Variants in GABRB2 observed in about 807,000 individuals in gnomAD.
The protein encoded by GABRB2 is gamma-aminobutyric acid type A receptor subunit beta2.
Under a neutral mutation model 54.7 loss-of-function variants are expected in GABRB2, and 16 were observed. The observed-to-expected ratio is 0.29, with a 90% CI of 0.20 to 0.44. The LOEUF (loss-of-function observed/expected upper bound fraction) is 0.44, where lower values mean the gene tolerates loss of function less well. Ranked by LOEUF, GABRB2 falls within the 20% of genes least tolerant of loss-of-function variation. GABRB2 has a pLI of 1.00. For synonymous variants in GABRB2, 244 were observed against 233.8 expected, an observed-to-expected ratio of 1.04 and a Z score of -0.40; for missense variants, 355 against 644.0, an observed-to-expected ratio of 0.55 and a Z score of 4.86.
intron 4 of GABRB2, among the ~76,000 whole-genome samples, chr5:161,418,255 A>G (rs2113136896): frequency 6.6e-6 from 1 of 152,362 alleles, no homozygotes; most frequent in Non-Finnish European, 1.5e-5. Flanking sequence ...TAGATACATC[A>G]GCCTCAGTCA....
At position 161,501,763 on chromosome 5, in the gene GABRB2, C is replaced by T. The variant is rs182800447; in HGVS notation, c.238-41919G>A. Among the ~76,000 whole-genome samples, 175 of 151,254 alleles carry T rather than the reference C, an allele frequency of 1.2e-3. 1 individual carries two copies. The highest frequency in any genetic ancestry group is 3.9e-3 in the African/African-American group (161 of 41,302). ...AAAGAAAACCAGATAAGTTAAATAA[C>T]CTAAAATATAAATTAAATAACCTAA... On this transcript the variant is annotated intron_variant, in intron 3 of 9. Transcript: ENST00000393959.
Position 161,534,771 on chromosome 5 carries a change from C to T in GABRB2, c.237+10456G>A, listed in dbSNP as rs190833195. The stretch of plus-strand genomic sequence containing the variant: ...TGTATTTATATTACGTGGAATAGAG[C>T]GAGGAAAAACTGGAAAGAAAAGAAG... On this transcript the variant is annotated intron_variant, in intron 3 of 9. Transcript: ENST00000393959. 1.2e-3 allele frequency among the ~76,000 whole-genome samples: 178 copies of T among 151,706 alleles called. 1 individual carries two copies. The highest frequency in any genetic ancestry group is 3.9e-3 in the African/African-American group (161 of 41,354).
chr5:161,497,816 C>A (rs1759303379), intron 3 of GABRB2, among the ~76,000 whole-genome samples: 1 of 152,102 alleles, frequency 6.6e-6, no homozygotes, highest in African/African-American at 2.4e-5. Context: ...TCATCTTCAG[C>A]TAGGATGCTG....
At chr5:161,424,553 C>A (rs1256834511) in intron 4 of GABRB2, among the ~76,000 whole-genome samples, 8 of 152,080 alleles carry the variant, frequency 5.3e-5, no homozygotes, top group Non-Finnish European at 1.2e-4. Flanking sequence ...CTATTTTAAG[C>A]CTACTGTTGA....
At chr5:161,521,205 T>G (rs984318936) in intron 3 of GABRB2, among the ~76,000 whole-genome samples, 3 of 151,924 alleles carry the variant, frequency 2.0e-5, no homozygotes, top group Non-Finnish European at 4.4e-5. Context: ...ATTGGCTCTT[T>G]GAAGGAATAT....
At chr5:161,440,856 CACTT>C (rs1297561348) in intron 4 of GABRB2, among the ~76,000 whole-genome samples, 2 of 152,134 alleles carry the variant, frequency 1.3e-5, no homozygotes, top group African/African-American at 2.4e-5. Context: ...GTGCCTATAA[CACTT>C]ACTGGCGAAA....
At chr5:161,419,778 A>G (rs1231062847) in intron 4 of GABRB2, among the ~76,000 whole-genome samples, 1 of 152,176 alleles carries the variant, frequency 6.6e-6, no homozygotes, top group Non-Finnish European at 1.5e-5. Flanking sequence ...TGTACCTACA[A>G]AGGAAAGCAA....
chr5:161,375,731 C>T (rs959563104), intron 5 of GABRB2, among the ~76,000 whole-genome samples: 1 of 152,140 alleles, frequency 6.6e-6, no homozygotes, highest in Non-Finnish European at 1.5e-5. Context: ...AGGGGAAACA[C>T]AATAACATCA....
At chr5:161,395,890 G>A (rs1755981431) in intron 5 of GABRB2, among the ~76,000 whole-genome samples, 2 of 152,078 alleles carry the variant, frequency 1.3e-5, no homozygotes, top group African/African-American at 4.8e-5. Context: ...CCAACTCAAT[G>A]TGATTTGCAA....
chr5:161,292,837 C>G lies in GABRB2; in HGVS notation c.*1244G>C, dbSNP rs1248280141. ...TCATTGCATATAAGAAAATATAGTT[C>G]ACTCAATCTCTCCAAAGCCTTACTT... On this transcript the variant is annotated 3_prime_UTR_variant, in exon 10 of 10. Coordinates refer to ENST00000393959, the MANE Select transcript of GABRB2 (RefSeq NM_001371727.1). The G allele has an allele frequency of 1.3e-5, 2 of 152,056 alleles. No homozygotes were observed. The highest frequency in any genetic ancestry group is 2.9e-5 in the Non-Finnish European group (2 of 68,004). The allele number at this position is 152,056 out of a possible 1,614,324, so 9.4% of individuals were successfully genotyped here. A position where few individuals can be genotyped will look rare whatever the true frequency, so the allele number is the denominator to read the frequency against.
At chr5:161,429,345 C>CAA (rs770848428) in intron 4 of GABRB2, among the ~76,000 whole-genome samples, 4 of 31,422 alleles carry the variant, frequency 1.3e-4, no homozygotes, top group South Asian at 2.4e-3. Context: ...GAATCCGTCT[C>CAA]AAAAAAAAAA....
chr5:161,360,223 A>G (rs1018140713), intron 5 of GABRB2, among the ~76,000 whole-genome samples: 1 of 152,212 alleles, frequency 6.6e-6, no homozygotes, highest in Admixed American at 6.5e-5. Flanking sequence ...TAAAAGCAAC[A>G]ATGGCTCTTT....
At chr5:161,497,980 A>G (rs1198734313) in intron 3 of GABRB2, among the ~76,000 whole-genome samples, 5 of 152,204 alleles carry the variant, frequency 3.3e-5, no homozygotes, top group African/African-American at 9.6e-5. Context: ...ACTAAAAGAG[A>G]GTGAAATGTT....
intron 5 of GABRB2, among the ~76,000 whole-genome samples, chr5:161,370,548 A>G (rs1010955907): frequency 6.6e-6 from 1 of 152,146 alleles, no homozygotes; most frequent in African/African-American, 2.4e-5. Flanking sequence ...CTGCTCTGTG[A>G]CTTCCTATGG....
chr5:161,439,493 A>C (rs568772152), intron 4 of GABRB2, among the ~76,000 whole-genome samples: 70 of 152,350 alleles, frequency 4.6e-4, no homozygotes, highest in African/African-American at 1.7e-3. Context: ...AGTACAAAGA[A>C]AAACACAGAA....
chr5:161,464,503 A>G (rs1052657347), intron 3 of GABRB2, among the ~76,000 whole-genome samples: 8 of 152,128 alleles, frequency 5.3e-5, no homozygotes, highest in Admixed American at 5.2e-4. Context: ...GTGGAAATAC[A>G]AAACTGTCAG....
chr5:161,362,738 A>G (rs926306118), intron 5 of GABRB2, among the ~76,000 whole-genome samples: 2 of 152,198 alleles, frequency 1.3e-5, no homozygotes, highest in Non-Finnish European at 1.5e-5. Context: ...ACACTTCTCA[A>G]AAGAAGACAT....
At chr5:161,530,635 C>T (rs1366257475) in intron 3 of GABRB2, among the ~76,000 whole-genome samples, 2 of 152,152 alleles carry the variant, frequency 1.3e-5, no homozygotes, top group Admixed American at 6.5e-5. Flanking sequence ...ATAAAGCATT[C>T]CCCCAAATCT....
intron 5 of GABRB2, among the ~76,000 whole-genome samples, chr5:161,341,743 A>G (rs1754163561): frequency 6.6e-6 from 1 of 151,166 alleles, no homozygotes; most frequent in African/African-American, 2.4e-5. Context: ...ATCTGATTAT[A>G]TAACATGGCA....
Sources: gnomAD v4.1 joint callset for allele counts (sites outside exome capture counted in the v4.1 genomes callset) on GRCh38, gnomAD v4.1.1 for gene constraint, MANE v1.5 for transcripts, NCBI Gene and HGNC (gene_info 2026-07-23, HGNC 2026-07-21) for gene names.